The following DNAH8 variants were observed in gnomAD, a reference collection of about 807,000 sequenced individuals.
DNAH8 encodes axonemal beta dynein heavy chain 8.
A neutral mutation model predicts 562.1 loss-of-function variants in DNAH8; 382 were observed. The ratio of observed to expected loss-of-function variants is 0.68; its 90% CI spans 0.63 to 0.74. DNAH8 has a LOEUF of 0.74. Ranked by LOEUF, DNAH8 falls within the 30% of genes least tolerant of loss-of-function variation. The probability of loss-of-function intolerance (pLI) is 0.00; values close to 1 mark genes in which losing one functional copy is unlikely to be tolerated. For synonymous variants in DNAH8, 1,881 were observed against 1,919.4 expected (o/e 0.98, Z 0.52); for missense variants, 5,203 against 5,620.4 (o/e 0.93, Z 2.37).
chr6:38,866,032 T>C (rs1410854185), intron 45 of DNAH8, among the ~76,000 whole-genome samples: 1 of 152,206 alleles, frequency 6.6e-6, no homozygotes, highest in Non-Finnish European at 1.5e-5. Flanking sequence ...GTCTCTACTT[T>C]TGTCCATTTC....
Position 38,807,735 on chromosome 6 carries a change from A to T in DNAH8, c.3257+19A>T, listed in dbSNP as rs1486380878. On this transcript the variant is annotated intron_variant, in intron 24 of 92. Coordinates refer to ENST00000327475, the MANE Select transcript of DNAH8 (RefSeq NM_001206927.2). ...TTGCAAGGCAAGTTGAAAATATGCTAATTATGTCTGGTAATCATACTTATA... is the reference window on the plus strand; with the variant it reads ...TTGCAAGGCAAGTTGAAAATATGCTTATTATGTCTGGTAATCATACTTATA... The T allele has an allele frequency of 7.3e-7, 1 of 1,378,210 alleles. No homozygotes were observed. Among genetic ancestry groups the T allele is most frequent in the African/African-American group, 1.5e-5 (1 of 67,998 alleles). The allele number at this position is 1,378,210 out of a possible 1,614,324, so 85.4% of individuals were successfully genotyped here.
chr6:38,929,914 A>G (rs888443864), intron 75 of DNAH8, among the ~76,000 whole-genome samples: 1 of 152,006 alleles, frequency 6.6e-6, no homozygotes, highest in African/African-American at 2.4e-5. Context: ...AGGTGGGGGC[A>G]ATATTTTGAT....
chr6:38,841,413 T>G (rs1774776965), intron 33 of DNAH8, among the ~76,000 whole-genome samples: 1 of 152,106 alleles, frequency 6.6e-6, no homozygotes, highest in South Asian at 2.1e-4. Flanking sequence ...AGTGAGATTC[T>G]CTCTCAAAAA....
At chr6:38,775,480 C>G (rs1284972334) in intron 12 of DNAH8, among the ~76,000 whole-genome samples, 1 of 152,118 alleles carries the variant, frequency 6.6e-6, no homozygotes, top group African/African-American at 2.4e-5. Flanking sequence ...GTCAAGCTCC[C>G]CGCCACCCTT....
At chr6:38,984,156 A>G (rs371499264) in intron 86 of DNAH8, 50 bp from the exon 87 acceptor site, 15 of 1,088,548 alleles carry the variant, frequency 1.4e-5, no homozygotes, top group African/African-American at 3.1e-5. Flanking sequence ...AATGTTTATA[A>G]TGATGTGTTT....
chr6:38,763,613 A>G (rs1582938682), intron 11 of DNAH8: 1 of 177,580 alleles, frequency 5.6e-6, no homozygotes, highest in East Asian at 1.7e-4. Context: ...CAGGAGTTCG[A>G]GACCAGCCTG....
At chr6:38,757,206 C>G (rs370962091) in intron 10 of DNAH8, among the ~76,000 whole-genome samples, 7 of 146,542 alleles carry the variant, frequency 4.8e-5, no homozygotes, top group African/African-American at 1.0e-4. Context: ...TTTTAATGAT[C>G]GCCATTCTAA....
intron 9 of DNAH8, among the ~76,000 whole-genome samples, chr6:38,754,862 G>C (rs1223444948): frequency 6.6e-6 from 1 of 152,022 alleles, no homozygotes; most frequent in Non-Finnish European, 1.5e-5. Flanking sequence ...TAGTCAGTTA[G>C]GTTTTGTGAA....
intron 58 of DNAH8, among the ~76,000 whole-genome samples, 195 bp from the exon 59 acceptor site, chr6:38,894,506 A>G (rs960518919): frequency 2.6e-5 from 4 of 152,206 alleles, no homozygotes; most frequent in Admixed American, 2.6e-4. Flanking sequence ...CCAAGAGATT[A>G]TGGTCTTTTA....
intron 88 of DNAH8, among the ~76,000 whole-genome samples, chr6:39,008,120 C>T (rs1765914489): frequency 6.6e-6 from 1 of 152,020 alleles, no homozygotes; most frequent in South Asian, 2.1e-4. Context: ...TTTCCCTCCA[C>T]AGCACTTGTT....
chr6:38,796,156 A>G (rs1770233288), intron 21 of DNAH8, among the ~76,000 whole-genome samples: 1 of 152,184 alleles, frequency 6.6e-6, no homozygotes, highest in Admixed American at 6.5e-5. Context: ...TACTGCACCC[A>G]CAACAACTCT....
intron 62 of DNAH8, among the ~76,000 whole-genome samples, chr6:38,901,140 T>C (rs2150508726): frequency 6.6e-6 from 1 of 152,302 alleles, no homozygotes; most frequent in South Asian, 2.1e-4. Context: ...ATATTGCAAA[T>C]ACCTTTGCTC....
chr6:38,750,005 T>TGTACTTTTA (rs1156427947), intron 8 of DNAH8, among the ~76,000 whole-genome samples: 14 of 152,188 alleles, frequency 9.2e-5, no homozygotes, highest in Non-Finnish European at 1.9e-4. Flanking sequence ...GCTAATTTTT[T>TGTACTTTTA]GTACTTTTAG....
chr6:38,841,577 T>C (rs1433920654), intron 33 of DNAH8, among the ~76,000 whole-genome samples: 1 of 152,246 alleles, frequency 6.6e-6, no homozygotes, highest in Non-Finnish European at 1.5e-5. Flanking sequence ...TAGAACCTTA[T>C]GGCATACTAA....
chr6:38,849,729 T>A (rs1478395314), intron 37 of DNAH8, among the ~76,000 whole-genome samples: 2 of 152,320 alleles, frequency 1.3e-5, no homozygotes, highest in Admixed American at 6.5e-5. Flanking sequence ...TGCAGCTAAG[T>A]ACAAAGCTTA....
At chr6:38,762,406 G>A (rs944272954) in intron 11 of DNAH8, among the ~76,000 whole-genome samples, 4 of 152,230 alleles carry the variant, frequency 2.6e-5, no homozygotes, top group South Asian at 2.1e-4. Flanking sequence ...CTGTCCTAAC[G>A]TTTCTGGGTA....
chr6:38,775,830 C>T lies in DNAH8; in HGVS notation c.1841C>T (p.Ala614Val), dbSNP rs1419649182. 4 of 1,599,390 alleles carry T rather than the reference C, an allele frequency of 2.5e-6. No homozygotes were observed. Among genetic ancestry groups the T allele is most frequent in the Admixed American group, 1.7e-5 (1 of 59,958 alleles). Residue 614 changes from alanine to valine, a missense_variant, in exon 13 of 93, where the codon GCA becomes GTA. Coordinates refer to ENST00000327475, the MANE Select transcript of DNAH8 (RefSeq NM_001206927.2). ...NSTIEGIDIM[A>V]IKFRNIYQGV... ...ACCATAGAAGGAATAGATATTATGG[C>T]AATAAAATTCAGAAATATATACCAA...
chr6:38,736,631 G>A (rs191175264), intron 5 of DNAH8, among the ~76,000 whole-genome samples: 1 of 152,042 alleles, frequency 6.6e-6, no homozygotes, highest in African/African-American at 2.4e-5. Context: ...CGCATGGGTG[G>A]TGGGCTTTTG....
At chr6:39,020,860 A>G (rs1242757321) in intron 91 of DNAH8, among the ~76,000 whole-genome samples, 4 of 152,056 alleles carry the variant, frequency 2.6e-5, no homozygotes, top group South Asian at 2.1e-4. Context: ...ATTCCTTTCT[A>G]TGGCTGCATG....
Sources: gnomAD v4.1 joint callset for allele counts (sites outside exome capture counted in the v4.1 genomes callset) on GRCh38, gnomAD v4.1.1 for gene constraint, MANE v1.5 for transcripts, NCBI Gene and HGNC (gene_info 2026-07-23, HGNC 2026-07-21) for gene names.